KRABD2: variants seen among roughly 807,000 people sequenced by gnomAD.
KRABD2 encodes KRAB domain containing 2, also known as KRAB domain-containing protein 2.
chr17:8,373,376 G>C, the KRABD2 span: 2 of 162,990 alleles, frequency 1.2e-5, no homozygotes, highest in South Asian at 1.3e-4. Context: ...GGGTTTCGCC[G>C]TGTTGGCCGG....
At chr17:8,365,614 C>G in the KRABD2 span, 1 of 152,240 alleles carries the variant, frequency 6.6e-6, no homozygotes, top group Non-Finnish European at 1.5e-5. Context: ...CCCACCCTCA[C>G]GTGGAGGACA....
the KRABD2 span, chr17:8,371,603 T>G: frequency 1.7e-5 from 26 of 1,494,776 alleles, no homozygotes; most frequent in East Asian, 5.9e-4. Flanking sequence ...GTCTCACATC[T>G]AACAAGATGA....
At chr17:8,374,628 TA>T in the KRABD2 span, among the ~76,000 whole-genome samples, 26,451 of 71,404 alleles carry the variant, frequency 0.37, 3,860 homozygotes, top group African/African-American at 0.52. Flanking sequence ...CAATAAATAC[TA>T]AAAAAAAAAA....
the KRABD2 span, chr17:8,369,505 T>G: frequency 1.2e-6 from 2 of 1,614,120 alleles, no homozygotes; most frequent in South Asian, 2.2e-5. Context: ...CTTATCATGT[T>G]CTTTACATCA....
chr17:8,371,220 G>C, the KRABD2 span: 56 of 1,182,424 alleles, frequency 4.7e-5, no homozygotes, highest in Non-Finnish European at 6.6e-5. Context: ...TTGGGGAATC[G>C]AGAAGAAAGC....
chr17:8,371,308 C>T, the KRABD2 span: 1 of 1,597,586 alleles, frequency 6.3e-7, no homozygotes, highest in Non-Finnish European at 8.6e-7. Flanking sequence ...TGAGCCCTTA[C>T]CCTGTGGGAC....
At chr17:8,361,906 G>C in the KRABD2 span, among the ~76,000 whole-genome samples, 21 of 152,258 alleles carry the variant, frequency 1.4e-4, no homozygotes, top group South Asian at 4.4e-3. Context: ...TTGAACCCTG[G>C]GCTAGTTATT....
chr17:8,374,628 TAAAAAAAAAAAAA>T, the KRABD2 span, among the ~76,000 whole-genome samples: 1 of 71,434 alleles, frequency 1.4e-5, no homozygotes, highest in African/African-American at 5.4e-5. Flanking sequence ...CAATAAATAC[TAAAAAAAAAAAAA>T]AAAAAAAAAA....
the KRABD2 span, among the ~76,000 whole-genome samples, chr17:8,363,825 TC>T: frequency 0.036 from 2,689 of 74,254 alleles, 181 homozygotes; most frequent in African/African-American, 0.13. Context: ...CATATATATA[TC>T]ATACATATAT....
At chr17:8,371,742 A>C in the KRABD2 span, 1 of 1,291,486 alleles carries the variant, frequency 7.7e-7, no homozygotes, top group Non-Finnish European at 9.8e-7. Flanking sequence ...GTCCAAGTGA[A>C]CTTGGGCGCA....
chr17:8,371,760 T>C, the KRABD2 span: 6 of 1,274,414 alleles, frequency 4.7e-6, no homozygotes, highest in Non-Finnish European at 5.0e-6. Context: ...GCAGGCTTGA[T>C]GACTCCTAAC....
chr17:8,364,558 A>G, the KRABD2 span, among the ~76,000 whole-genome samples: 2 of 152,124 alleles, frequency 1.3e-5, no homozygotes, highest in Non-Finnish European at 2.9e-5. The surrounding 1 kb of genome is among the most constrained non-coding windows in gnomAD (Gnocchi z 4.4). Context: ...ACGAATATGC[A>G]TGTGAGTGGC....
chr17:8,362,993 T>C, the KRABD2 span, among the ~76,000 whole-genome samples: 2 of 152,196 alleles, frequency 1.3e-5, no homozygotes, highest in Non-Finnish European at 1.5e-5. The surrounding 1 kb of genome is among the most constrained non-coding windows in gnomAD (Gnocchi z 4.2). Flanking sequence ...CATCTCTTGA[T>C]AGGAAAGTGC....
the KRABD2 span, among the ~76,000 whole-genome samples, chr17:8,363,287 C>T: frequency 1.3e-5 from 2 of 152,254 alleles, no homozygotes; most frequent in East Asian, 3.9e-4. Context: ...ACAGAAAAGT[C>T]ACAGCTAAAA....
At chr17:8,361,695 C>T in the KRABD2 span, among the ~76,000 whole-genome samples, 1 of 152,172 alleles carries the variant, frequency 6.6e-6, no homozygotes, top group Non-Finnish European at 1.5e-5. Context: ...GTAGCTGGGC[C>T]TACAGTGTGA....
At chr17:8,369,299 CTCT>C in the KRABD2 span, 1 of 1,614,264 alleles carries the variant, frequency 6.2e-7, no homozygotes, top group Non-Finnish European at 8.5e-7. Context: ...CAATTTCTAG[CTCT>C]TCTTCCGTTT....
the KRABD2 span, chr17:8,373,661 T>A: frequency 6.6e-6 from 1 of 151,142 alleles, no homozygotes; most frequent in Non-Finnish European, 1.4e-5. Flanking sequence ...GGAGCCCCTG[T>A]GCCCGGCCGC....
At chr17:8,363,851 AT>A in the KRABD2 span, among the ~76,000 whole-genome samples, 1 of 84,518 alleles carries the variant, frequency 1.2e-5, no homozygotes, top group Non-Finnish European at 2.3e-5. Context: ...ATATATATAT[AT>A]ATATATATAT....
chr17:8,365,035 GAA>G, the KRABD2 span, among the ~76,000 whole-genome samples: 4 of 148,514 alleles, frequency 2.7e-5, no homozygotes, highest in Non-Finnish European at 4.5e-5. Context: ...ACTCTGTTTA[GAA>G]AAAAAAAAAA....
Sources: gnomAD v4.1 joint callset for allele counts (sites outside exome capture counted in the v4.1 genomes callset) on GRCh38, gnomAD v4.1.1 for gene constraint, Gnocchi (gnomAD v3.1) non-coding constraint, MANE v1.5 for transcripts, NCBI Gene and HGNC (gene_info 2026-07-23, HGNC 2026-07-21) for gene names.